The following DLGAP1 variants were observed in gnomAD, a reference collection of about 807,000 sequenced individuals.
DLGAP1 encodes disks large-associated protein 1.
Under a neutral mutation model 90.8 loss-of-function variants are expected in DLGAP1, and 11 were observed. That is an observed-to-expected ratio of 0.12 (90% confidence interval 0.08 to 0.20). DLGAP1 has a LOEUF of 0.20. DLGAP1 is among the 10% of genes least tolerant of loss of function. The probability of loss-of-function intolerance (pLI) is 1.00; values close to 1 mark genes in which losing one functional copy is unlikely to be tolerated. For missense variants in DLGAP1, 1,050 were observed against 1,333.8 expected (o/e 0.79, Z 3.31); for synonymous variants, 558 against 540.7 (o/e 1.03, Z -0.44).
chr18:3,631,343 A>T (rs1051873302), intron 7 of DLGAP1, among the ~76,000 whole-genome samples: 4 of 152,192 alleles, frequency 2.6e-5, no homozygotes, highest in African/African-American at 9.7e-5. Flanking sequence ...TATTTAACTT[A>T]CTAATATCTA....
intron 8 of DLGAP1, among the ~76,000 whole-genome samples, chr18:3,578,233 T>C (rs1310470996): frequency 1.3e-5 from 2 of 152,222 alleles, no homozygotes; most frequent in Admixed American, 6.5e-5. Context: ...GGTAAAGGAT[T>C]GGAAACTCTG....
chr18:4,048,975 C>T (rs905621531), intron 2 of DLGAP1, among the ~76,000 whole-genome samples: 1 of 152,166 alleles, frequency 6.6e-6, no homozygotes, highest in African/African-American at 2.4e-5. Context: ...ACCTGTAATC[C>T]TGGCACTTTG....
At chr18:4,260,644 T>C (rs2078985581) in intron 1 of DLGAP1, among the ~76,000 whole-genome samples, 1 of 152,190 alleles carries the variant, frequency 6.6e-6, no homozygotes, top group African/African-American at 2.4e-5. Flanking sequence ...TCTCGATAAA[T>C]ATCAGATATA....
At chr18:4,282,066 T>C (rs2079563987) in intron 1 of DLGAP1, among the ~76,000 whole-genome samples, 1 of 152,168 alleles carries the variant, frequency 6.6e-6, no homozygotes, top group Non-Finnish European at 1.5e-5. Flanking sequence ...AATGTTTTCA[T>C]TAAAAGAGTC....
At chr18:3,914,678 C>T (rs1393593823) in intron 3 of DLGAP1, among the ~76,000 whole-genome samples, 1 of 152,162 alleles carries the variant, frequency 6.6e-6, no homozygotes, top group Non-Finnish European at 1.5e-5. Context: ...TATGTTCCCA[C>T]CAATAGTGTA....
chr18:4,279,998 C>T (rs1417240241), intron 1 of DLGAP1, among the ~76,000 whole-genome samples: 2 of 152,074 alleles, frequency 1.3e-5, no homozygotes, highest in African/African-American at 4.8e-5. Context: ...TGAATAAAAA[C>T]AAGCTGTCAT....
chr18:4,099,574 T>C (rs1031124688), intron 2 of DLGAP1, among the ~76,000 whole-genome samples: 1 of 152,192 alleles, frequency 6.6e-6, no homozygotes, highest in African/African-American at 2.4e-5. Flanking sequence ...CTAATGATCA[T>C]CTGAGCCTTC....
intron 1 of DLGAP1, among the ~76,000 whole-genome samples, chr18:4,436,358 G>C (rs955696221): frequency 6.6e-6 from 1 of 152,000 alleles, no homozygotes; most frequent in Admixed American, 6.6e-5. Flanking sequence ...TCACCTGAAG[G>C]CTTGTTAAAA....
intron 3 of DLGAP1, among the ~76,000 whole-genome samples, chr18:3,890,121 C>G (rs147826559): frequency 6.6e-6 from 1 of 152,232 alleles, no homozygotes; most frequent in Non-Finnish European, 1.5e-5. Context: ...TACAGAACCT[C>G]CACCACTGTG....
intron 12 of DLGAP1, among the ~76,000 whole-genome samples, chr18:3,501,949 G>GA (rs36071304): frequency 0.02 from 2,215 of 109,298 alleles, 73 homozygotes; most frequent in African/African-American, 0.071. Flanking sequence ...AAACTGTTTT[G>GA]AAAAAAAAAA....
Position 3,502,612 on chromosome 18 carries a change from C to G in DLGAP1, c.2605G>C (p.Asp869His). 6.2e-7 allele frequency: 1 copy of G among 1,614,036 alleles called. No homozygotes were observed. The highest frequency in any genetic ancestry group is 8.5e-7 in the Non-Finnish European group (1 of 1,179,994). ...AGCATGTCCCAAAACCCCGCCAAAT[C>G]CTGGGAGGTGGGTCTTGGATGAGCA... The part of the protein sequence containing the change: ...PNAHPRPTSQ[D>H]LAGFWDMLQL... The change falls in exon 12 of 13, where the codon GAT (aspartate) becomes CAT (histidine). Residue 869 changes from aspartate to histidine, a missense_variant. Asp to His is a moderately conservative substitution (Grantham distance 81). Transcript: ENST00000315677.
intron 4 of DLGAP1, among the ~76,000 whole-genome samples, chr18:3,872,225 C>CA (rs5822772): frequency 0.066 from 5,760 of 87,114 alleles, 154 homozygotes; most frequent in Non-Finnish European, 0.096. Flanking sequence ...CTCTCCAAGA[C>CA]AAAAAAAAAA....
intron 3 of DLGAP1, among the ~76,000 whole-genome samples, chr18:3,963,515 C>G (rs2073250718): frequency 6.6e-6 from 1 of 151,756 alleles, no homozygotes; most frequent in African/African-American, 2.4e-5. Flanking sequence ...CTGAGCTTCT[C>G]TCCTGGGCTG....
At chr18:4,089,506 C>G (rs1027156141) in intron 2 of DLGAP1, among the ~76,000 whole-genome samples, 11 of 151,582 alleles carry the variant, frequency 7.3e-5, no homozygotes, top group South Asian at 6.3e-4. Flanking sequence ...CAATCCTAAG[C>G]AAAAAAAACA....
chr18:3,595,791 G>A (rs1234299146), intron 7 of DLGAP1, among the ~76,000 whole-genome samples: 2 of 81,900 alleles, frequency 2.4e-5, no homozygotes, highest in Non-Finnish European at 5.2e-5. Flanking sequence ...GTACACAAGT[G>A]ACTGCCCTGT....
At chr18:4,275,326 G>A (rs1471676797) in intron 1 of DLGAP1, 4 of 152,084 alleles carry the variant, frequency 2.6e-5, no homozygotes, top group Non-Finnish European at 4.4e-5. Flanking sequence ...AGAGATCCTC[G>A]TGGTGAATTC....
chr18:3,520,894 T>C (rs1164849699), intron 10 of DLGAP1, among the ~76,000 whole-genome samples: 2 of 152,232 alleles, frequency 1.3e-5, no homozygotes, highest in African/African-American at 4.8e-5. Flanking sequence ...CCTTCTGGAC[T>C]CTGCCTTTGG....
At chr18:3,918,899 G>C (rs1248844910) in intron 3 of DLGAP1, among the ~76,000 whole-genome samples, 1 of 152,156 alleles carries the variant, frequency 6.6e-6, no homozygotes, top group Non-Finnish European at 1.5e-5. Context: ...GCAAGCACTA[G>C]AGATGCGTAG....
intron 1 of DLGAP1, among the ~76,000 whole-genome samples, chr18:4,205,519 G>T (rs1456098369): frequency 6.6e-6 from 1 of 152,156 alleles, no homozygotes; most frequent in Non-Finnish European, 1.5e-5. Flanking sequence ...TTGAGACAGG[G>T]TCTCATTCTG....
Sources: allele counts gnomAD v4.1 joint callset (sites outside exome capture counted in the v4.1 genomes callset), GRCh38; gene constraint gnomAD v4.1.1; transcripts MANE v1.5; gene names NCBI Gene and HGNC (gene_info 2026-07-23, HGNC 2026-07-21).